The following PUM2 variants were observed in gnomAD, a reference collection of about 807,000 sequenced individuals.
PUM2 encodes pumilio RNA binding family member 2, also known as pumilio homolog 2.
Under a neutral mutation model 124.5 loss-of-function variants are expected in PUM2, and 57 were observed. That is an observed-to-expected ratio of 0.46 (90% confidence interval 0.37 to 0.57). The LOEUF is 0.57. Ranked by LOEUF, PUM2 falls within the 20% of genes least tolerant of loss-of-function variation. The pLI is 0.00. For synonymous variants in PUM2, 460 were observed against 446.1 expected (o/e 1.03, Z -0.39); for missense variants, 1,065 against 1,290.6 (o/e 0.83, Z 2.68).
chr2:20,311,730 G>T, intron 4 of PUM2, 67 bp from the exon 5 acceptor site: 1 of 1,417,646 alleles, frequency 7.1e-7, no homozygotes, highest in South Asian at 1.3e-5. Flanking sequence ...ACCATAAGGT[G>T]ACCTAACACT....
intron 8 of PUM2, among the ~76,000 whole-genome samples, chr2:20,294,939 A>G (rs905197604): frequency 2.6e-5 from 4 of 152,252 alleles, no homozygotes; most frequent in East Asian, 1.9e-4. Context: ...TTTCCAATCT[A>G]TAACACAAAA....
chr2:20,261,894 C>G (rs1423934472), intron 14 of PUM2, among the ~76,000 whole-genome samples: 2 of 47,798 alleles, frequency 4.2e-5, no homozygotes, highest in Admixed American at 4.5e-4. Flanking sequence ...TTACAGTAAG[C>G]TCAGCCTGGC....
At chr2:20,265,608 A>AG (rs1667468830) in intron 13 of PUM2, among the ~76,000 whole-genome samples, 2 of 152,150 alleles carry the variant, frequency 1.3e-5, no homozygotes, top group Admixed American at 6.5e-5. Flanking sequence ...ATTTTTTCTT[A>AG]ATCAGCTGAA....
intron 1 of PUM2, among the ~76,000 whole-genome samples, chr2:20,331,009 A>C (rs1005204279): frequency 6.6e-6 from 1 of 152,194 alleles, no homozygotes; most frequent in African/African-American, 2.4e-5. Context: ...CTGTGTTGTA[A>C]GGGTACAGTA....
At chr2:20,286,970 AATGT>A (rs1672888492) in intron 10 of PUM2, among the ~76,000 whole-genome samples, 1 of 151,976 alleles carries the variant, frequency 6.6e-6, no homozygotes, top group Admixed American at 6.6e-5. Context: ...TGGTTAGATG[AATGT>A]ATGAAGAGTG....
intron 8 of PUM2, 142 bp downstream of exon 8, chr2:20,297,411 T>G: frequency 1.3e-6 from 1 of 793,428 alleles, no homozygotes; most frequent in Non-Finnish European, 1.8e-6. Flanking sequence ...ACTAACTTCC[T>G]GGAAACTTTA....
intron 20 of PUM2, among the ~76,000 whole-genome samples, chr2:20,252,722 G>A (rs1663750751): frequency 6.6e-6 from 1 of 152,286 alleles, no homozygotes; most frequent in African/African-American, 2.4e-5. Flanking sequence ...GGAATTTTAT[G>A]AGTTAGTACT....
intron 4 of PUM2, 150 bp downstream of exon 4, chr2:20,312,086 G>C (rs888352169): frequency 4.4e-6 from 3 of 683,400 alleles, no homozygotes; most frequent in Admixed American, 6.5e-5. Context: ...CGTTTTTCAA[G>C]TGGCTAAGCA....
rs760335168 is a variant in PUM2 at position 20,254,032 on chromosome 2, TAAACA to T, written c.2871-23_2871-19del. ...CTACATTGCTAAAAATTAAAGCAGA[TAAACA>T]AAGATTTGTTATTTTTTTCTTCACA... On this transcript the variant is annotated intron_variant, in intron 19 of 20. Coordinates refer to ENST00000361078, the MANE Select transcript of PUM2 (RefSeq NM_015317.5). 1 of 1,584,762 alleles carries T rather than the reference TAAACA, an allele frequency of 6.3e-7. No homozygotes were observed. Among genetic ancestry groups the T allele is most frequent in the African/African-American group, 1.4e-5 (1 of 73,600 alleles).
chr2:20,283,634 C>A (rs1672069550), intron 10 of PUM2, 148 bp from the exon 11 acceptor site: 3 of 764,112 alleles, frequency 3.9e-6, no homozygotes, highest in Non-Finnish European at 6.1e-6. Flanking sequence ...CAAAGCAACA[C>A]ATTTGACAAG....
At chr2:20,264,792 ATACGGAGG>A (rs1403798387) in intron 13 of PUM2, among the ~76,000 whole-genome samples, 1 of 152,188 alleles carries the variant, frequency 6.6e-6, no homozygotes, top group African/African-American at 2.4e-5. Context: ...GTGCAAAGCT[ATACGGAGG>A]TATTAAAGGT....
In PUM2 at chr2:20,338,861, T is replaced by A. The variant is rs185151832; in HGVS notation, c.-18-11483A>T. Among the ~76,000 whole-genome samples the A allele has an allele frequency of 9.9e-3, 1,509 of 152,334 alleles. 25 individuals are homozygous for A. Among genetic ancestry groups the A allele is most frequent in the African/African-American group, 0.033 (1,391 of 41,570 alleles). Reference sequence around the variant, plus strand: ...ATAAGTCACACTTAACCATTAATAGTGGTCGCACCTAGAAAAAGGATATGC... The same window carrying A: ...ATAAGTCACACTTAACCATTAATAGAGGTCGCACCTAGAAAAAGGATATGC... On this transcript the variant is annotated intron_variant, in intron 1 of 20. Coordinates refer to ENST00000361078, the MANE Select transcript of PUM2 (RefSeq NM_015317.5).
intron 1 of PUM2, among the ~76,000 whole-genome samples, chr2:20,333,469 G>C (rs1685336315): frequency 6.6e-6 from 1 of 152,046 alleles, no homozygotes; most frequent in Non-Finnish European, 1.5e-5. Context: ...AGGAGGTTGA[G>C]GGTGCAGTGA....
intron 10 of PUM2, among the ~76,000 whole-genome samples, chr2:20,285,317 T>C (rs1343236860): frequency 6.6e-6 from 1 of 152,210 alleles, no homozygotes; most frequent in Non-Finnish European, 1.5e-5. Flanking sequence ...CTGTAACACA[T>C]TCTCCACAGA....
Position 20,308,322 on chromosome 2 carries a change from G to C in PUM2, c.781C>G (p.Gln261Glu). Residue 261 changes from glutamine (Q) to glutamate (E), a missense_variant, in exon 6 of 21, where the codon CAG becomes GAG. By Grantham distance (29) the Gln-to-Glu change is conservative. This residue lies in a region of PUM2 where 968 missense variants were observed against 1,159.8 expected (regional missense o/e 0.83). Coordinates refer to ENST00000361078, the MANE Select transcript of PUM2 (RefSeq NM_015317.5). Reference sequence around the variant, plus strand: ...AAAGAACATGCTTTTACCTGCTGCTGGGAATTGTAGTCAAAAAGGCCTACA... The same window carrying C: ...AAAGAACATGCTTTTACCTGCTGCTCGGAATTGTAGTCAAAAAGGCCTACA... ...ATVGLFDYNSQQQLFQRTNAL... is the reference protein window; with the variant it reads ...ATVGLFDYNSEQQLFQRTNAL... 1 of 1,613,146 alleles carries C rather than the reference G, an allele frequency of 6.2e-7. No individual in the cohort carries two copies. Among genetic ancestry groups the C allele is most frequent in the Non-Finnish European group, 8.5e-7 (1 of 1,179,456 alleles).
intron 1 of PUM2, chr2:20,350,371 G>GCGGC (rs1689089905): frequency 1.4e-6 from 1 of 730,690 alleles, no homozygotes; most frequent in African/African-American, 1.9e-5. Flanking sequence ...AAGCGGGAAA[G>GCGGC]CGGCCGGCGC....
rs374142156 is a variant in PUM2 at position 20,282,997 on chromosome 2, T to A, written c.1670A>T (p.Asn557Ile). The A allele has an allele frequency of 3.1e-6, 5 of 1,613,804 alleles. No individual in the cohort carries two copies. The African/African-American group carries it at 5.3e-5, about 17-fold the overall frequency. ...GSTSLGFGSG[N>I]SLGAAIGSAL... ...TGAGCCTATAGCAGCACCCAAAGAG[T>A]TACCACTTCCAAAGCCAAGAGATGT... Residue 557 changes from asparagine to isoleucine, a missense_variant, in exon 12 of 21, where the codon AAC (asparagine) becomes ATC (isoleucine). Coordinates refer to ENST00000361078, the MANE Select transcript of PUM2 (RefSeq NM_015317.5).
At chr2:20,291,024 C>A (rs538361688) in intron 9 of PUM2, among the ~76,000 whole-genome samples, 1 of 152,198 alleles carries the variant, frequency 6.6e-6, no homozygotes, top group Admixed American at 6.5e-5. Flanking sequence ...TACAGAAAAT[C>A]TTTGGTTAAA....
chr2:20,266,213 A>C (rs1195114986), intron 13 of PUM2, among the ~76,000 whole-genome samples: 2 of 152,114 alleles, frequency 1.3e-5, no homozygotes, highest in Non-Finnish European at 2.9e-5. Flanking sequence ...GAGGCTGAGG[A>C]AGGCACATAG....
Sources: gnomAD v4.1 joint callset for allele counts (sites outside exome capture counted in the v4.1 genomes callset) on GRCh38, gnomAD v4.1.1 for gene constraint, gnomAD v4.1.1 regional missense constraint, MANE v1.5 for transcripts, NCBI Gene and HGNC (gene_info 2026-07-23, HGNC 2026-07-21) for gene names.